PLA2G7: variants seen among roughly 807,000 people sequenced by gnomAD.
The protein encoded by PLA2G7 is phospholipase A2 group VII.
PLA2G7 carries 63 observed loss-of-function variants against 49.6 expected under a neutral mutation model. That is an observed-to-expected ratio of 1.27 (90% CI 1.04 to 1.57). The LOEUF (loss-of-function observed/expected upper bound fraction) is 1.57. PLA2G7 is among the 40% of genes most tolerant of loss of function. The probability of loss-of-function intolerance (pLI) is 0.00; values close to 1 mark genes in which losing one functional copy is unlikely to be tolerated. For synonymous variants in PLA2G7, 193 were observed against 169.9 expected, an observed-to-expected ratio of 1.14 and a Z score of -1.06; for missense variants, 596 against 521.2, an observed-to-expected ratio of 1.14 and a Z score of -1.40.
chr6:46,710,014 A>G (rs1246326066), intron 8 of PLA2G7, among the ~76,000 whole-genome samples: 2 of 152,140 alleles, frequency 1.3e-5, no homozygotes, highest in African/African-American at 4.8e-5. Context: ...CCAAGGGGAC[A>G]ACATGTACAA....
chr6:46,734,470 G>A (rs961329078), intron 1 of PLA2G7, among the ~76,000 whole-genome samples: 1 of 133,902 alleles, frequency 7.5e-6, no homozygotes, highest in East Asian at 2.2e-4. Context: ...GAGAGAGAGA[G>A]AGAGAGAGAG....
chr6:46,718,523 T>C (rs1765289054), intron 2 of PLA2G7, among the ~76,000 whole-genome samples: 1 of 152,172 alleles, frequency 6.6e-6, no homozygotes, highest in Non-Finnish European at 1.5e-5. Context: ...TTCTTCCCCT[T>C]AAGTTATACC....
intron 4 of PLA2G7, among the ~76,000 whole-genome samples, chr6:46,715,922 A>G (rs566530825): frequency 4.6e-5 from 7 of 152,332 alleles, no homozygotes; most frequent in African/African-American, 1.7e-4. Context: ...GGGGTAGGTG[A>G]TGGGAATGAG....
intron 1 of PLA2G7, among the ~76,000 whole-genome samples, chr6:46,729,235 T>G (rs1209569605): frequency 6.6e-6 from 1 of 152,114 alleles, no homozygotes; most frequent in Non-Finnish European, 1.5e-5. Context: ...AGTATTAAAC[T>G]GACATATATG....
At chr6:46,717,363 C>T (rs555726579) in intron 2 of PLA2G7, among the ~76,000 whole-genome samples, 3 of 152,296 alleles carry the variant, frequency 2.0e-5, no homozygotes, top group Admixed American at 6.5e-5. Context: ...CAGCCTTGCC[C>T]TCTCATTCTA....
At chr6:46,723,399 T>C (rs1562078022) in intron 1 of PLA2G7, among the ~76,000 whole-genome samples, 1 of 152,212 alleles carries the variant, frequency 6.6e-6, no homozygotes, top group Non-Finnish European at 1.5e-5. Flanking sequence ...TATGATGTTA[T>C]ATTCTTGCTA....
At chr6:46,734,961 A>G (rs566021514) in intron 1 of PLA2G7, among the ~76,000 whole-genome samples, 1 of 152,268 alleles carries the variant, frequency 6.6e-6, no homozygotes, top group South Asian at 2.1e-4. Context: ...AAAGGTTTGG[A>G]AGAACTGGTG....
At chr6:46,711,448 G>C in intron 7 of PLA2G7, 48 bp downstream of exon 7, 1 of 1,604,916 alleles carries the variant, frequency 6.2e-7, no homozygotes. Context: ...TCATCCTTTT[G>C]TACATGCTTT....
At chr6:46,717,715 CT>C (rs869135567) in intron 2 of PLA2G7, among the ~76,000 whole-genome samples, 657 of 21,246 alleles carry the variant, frequency 0.031, 6 homozygotes, top group African/African-American at 0.098. Context: ...TTTTCTTTTT[CT>C]TTTTTTTTTT....
intron 8 of PLA2G7, among the ~76,000 whole-genome samples, chr6:46,710,080 A>G (rs1764961653): frequency 6.6e-6 from 1 of 152,184 alleles, no homozygotes; most frequent in South Asian, 2.1e-4. Flanking sequence ...TCTTCATTGT[A>G]TCTGGAGAAC....
chr6:46,729,205 C>T (rs1038575944), intron 1 of PLA2G7, among the ~76,000 whole-genome samples: 2 of 152,230 alleles, frequency 1.3e-5, no homozygotes, highest in Middle Eastern at 3.4e-3. Context: ...ACTCAGTGTC[C>T]ATATTCTCCA....
Position 46,717,104 on chromosome 6 carries a change from A to T in PLA2G7, c.110-8T>A. ...GTATTTTGTTGACCCATGCTGAAAA[A>T]CAGGTAAATATTATCTCATTTGTCA... On this transcript the variant is annotated splice_region_variant and splice_polypyrimidine_tract_variant and intron_variant, in intron 2 of 11. Coordinates refer to ENST00000274793, the MANE Select transcript of PLA2G7 (RefSeq NM_005084.4). The T allele has an allele frequency of 6.2e-7, 1 of 1,611,442 alleles. No homozygotes were observed. The highest frequency in any genetic ancestry group is 2.2e-5 in the East Asian group (1 of 44,860).
intron 4 of PLA2G7, among the ~76,000 whole-genome samples, chr6:46,716,026 T>G (rs866926808): frequency 8.5e-5 from 13 of 152,230 alleles, no homozygotes; most frequent in South Asian, 2.1e-4. Context: ...TTCTTTCTCT[T>G]TTTGTCTAAC....
intron 8 of PLA2G7, among the ~76,000 whole-genome samples, chr6:46,709,810 C>A (rs1764952543): frequency 6.6e-6 from 1 of 152,034 alleles, no homozygotes; most frequent in African/African-American, 2.4e-5. Context: ...AGTGAGTTTG[C>A]AGTCCATCAG....
chr6:46,728,567 A>G (rs555942396), intron 1 of PLA2G7, among the ~76,000 whole-genome samples: 1 of 152,378 alleles, frequency 6.6e-6, no homozygotes, highest in East Asian at 1.9e-4. Context: ...TCTACTCACA[A>G]TTTTGGAAAT....
Position 46,705,271 on chromosome 6 carries a change from G to C in PLA2G7, c.1071C>G (p.Phe357Leu), listed in dbSNP as rs1764774611. Residue 357 changes from phenylalanine (F) to leucine (L), a missense_variant, in exon 11 of 12, where the codon TTC (phenylalanine) becomes TTG (leucine). Physicochemically the swap from Phe to Leu is conservative, Grantham distance 22. Coordinates refer to ENST00000274793, the MANE Select transcript of PLA2G7 (RefSeq NM_005084.4). The stretch of plus-strand genomic sequence containing the variant: ...CAATTATTTTGCCAGTTGCAAAAGT[G>C]AAGTCAGCAAAATTCTGGTGGACTG... Reference protein sequence around the residue: ...RGSVHQNFADFTFATGKIIGH... With the variant: ...RGSVHQNFADLTFATGKIIGH... 1.9e-6 allele frequency: 3 copies of C among 1,612,166 alleles called. No homozygotes were observed. In the African/African-American group the frequency reaches 4.0e-5, roughly 22 times the overall value.
chr6:46,715,745 T>G (rs1035718104), intron 4 of PLA2G7, among the ~76,000 whole-genome samples: 5 of 152,308 alleles, frequency 3.3e-5, no homozygotes, highest in Middle Eastern at 3.4e-3. Context: ...AAGCCGATGT[T>G]TAAGATGAAT....
chr6:46,716,077 C>A, intron 4 of PLA2G7, among the ~76,000 whole-genome samples: 1 of 152,146 alleles, frequency 6.6e-6, no homozygotes, highest in Non-Finnish European at 1.5e-5. Flanking sequence ...CACCAAATAA[C>A]CTGCTATTCT....
At chr6:46,717,569 T>C (rs1283012507) in intron 2 of PLA2G7, among the ~76,000 whole-genome samples, 1 of 152,066 alleles carries the variant, frequency 6.6e-6, no homozygotes, top group Non-Finnish European at 1.5e-5. Context: ...CCCTTCTCAC[T>C]TTCCAACCAC....
Sources: gnomAD v4.1 joint callset for allele counts (sites outside exome capture counted in the v4.1 genomes callset) on GRCh38, gnomAD v4.1.1 for gene constraint, MANE v1.5 for transcripts, NCBI Gene and HGNC (gene_info 2026-07-23, HGNC 2026-07-21) for gene names.